SLC12A9: variants seen among roughly 807,000 people sequenced by gnomAD.
SLC12A9 encodes the protein CCC-interacting protein 1.
SLC12A9 carries 55 observed loss-of-function variants against 66.0 expected under a neutral mutation model. The observed-to-expected ratio is 0.83, with a 90% CI of 0.67 to 1.04. The LOEUF (loss-of-function observed/expected upper bound fraction) is 1.04, where lower values mean the gene tolerates loss of function less well. SLC12A9 is among the 50% of genes least tolerant of loss of function. The probability of loss-of-function intolerance (pLI) is 0.00; values close to 1 mark genes in which losing one functional copy is unlikely to be tolerated. For missense variants in SLC12A9, 1,061 were observed against 1,241.9 expected (o/e 0.85, Z 2.19); for synonymous variants, 577 against 569.0 (o/e 1.01, Z -0.20).
At chr7:100,853,647 C>T (rs1406813057) in intron 1 of SLC12A9, among the ~76,000 whole-genome samples, 4 of 150,674 alleles carry the variant, frequency 2.7e-5, no homozygotes, top group East Asian at 2.0e-4. Context: ...TGCAGCCCTA[C>T]GCCTCCAGGA....
At chr7:100,844,926 C>T (rs1208584298) in intron 1 of SLC12A9, among the ~76,000 whole-genome samples, 3 of 152,032 alleles carry the variant, frequency 2.0e-5, no homozygotes, top group African/African-American at 2.4e-5. Context: ...GCCGAGCGTG[C>T]AGCCCAGTCT....
Position 100,859,100 on chromosome 7 carries a change from G to C in SLC12A9, c.916G>C (p.Val306Leu). 6.2e-7 allele frequency: 1 copy of C among 1,614,014 alleles called. No individual in the cohort carries two copies. Among genetic ancestry groups the C allele is most frequent in the Non-Finnish European group, 8.5e-7 (1 of 1,180,014 alleles). Residue 306 changes from valine to leucine, a missense_variant, in exon 7 of 14, where the codon GTC becomes CTC. Transcript: ENST00000354161. ...GATCCCTCTGGGCACGATCGTCGCC[G>C]TCGCCTACACCTTCTTCGTCTATGT... ...RAIPLGTIVAVAYTFFVYVLL... is the reference protein window; with the variant it reads ...RAIPLGTIVALAYTFFVYVLL...
At chr7:100,848,373 A>G (rs1396147370), upstream of SLC12A9, among the ~76,000 whole-genome samples, 2 of 151,806 alleles carry the variant, frequency 1.3e-5, no homozygotes, top group African/African-American at 2.4e-5. Flanking sequence ...GCATGGGTGC[A>G]TGTGCCTATA....
intron 7 of SLC12A9, 50 bp downstream of exon 7, chr7:100,859,211 G>A (rs1238622740): frequency 9.1e-6 from 14 of 1,534,548 alleles, no homozygotes; most frequent in Non-Finnish European, 1.1e-5. Context: ...TGGTGCACCT[G>A]GGTCACCAAG....
chr7:100,848,695 G>C (rs1813978273), upstream of SLC12A9, among the ~76,000 whole-genome samples: 1 of 151,850 alleles, frequency 6.6e-6, no homozygotes, highest in Non-Finnish European at 1.5e-5. Context: ...GACCATTCTG[G>C]CTAACACGGT....
At chr7:100,841,982 C>G (rs1172223943) in intron 1 of SLC12A9, among the ~76,000 whole-genome samples, 2 of 152,030 alleles carry the variant, frequency 1.3e-5, no homozygotes, top group Non-Finnish European at 2.9e-5. Context: ...AGCACATGTA[C>G]CACCCCTAGA....
rs1390340137 is a variant in SLC12A9, at chr7:100,862,781, C to G, written c.1812C>G (p.Pro604=). The G allele has an allele frequency of 2.5e-6, 4 of 1,614,186 alleles. No homozygotes were observed. The highest frequency in any genetic ancestry group is 3.4e-6 in the Non-Finnish European group (4 of 1,180,038). The change falls in exon 13 of 14, where the codon CCC becomes CCG. Residue 604 remains proline (P), a synonymous_variant. Coordinates refer to ENST00000354161, the MANE Select transcript of SLC12A9 (RefSeq NM_020246.4). Reference sequence around the variant, plus strand: ...CTTTTGTGGATCTAACCCTCTCACCCTCCGTGCGCCAGGGGGCTCAGCATC... The same window carrying G: ...CTTTTGTGGATCTAACCCTCTCACCGTCCGTGCGCCAGGGGGCTCAGCATC... ...VKAFVDLTLS[P]SVRQGAQHLL...
intron 1 of SLC12A9, among the ~76,000 whole-genome samples, chr7:100,846,338 G>T (rs314332): frequency 6.6e-6 from 1 of 151,778 alleles, no homozygotes; most frequent in East Asian, 1.9e-4. Context: ...AGGCCGAGGC[G>T]GGTGGATCAC....
intron 1 of SLC12A9, among the ~76,000 whole-genome samples, chr7:100,838,222 C>A (rs1813708673): frequency 6.6e-6 from 1 of 152,120 alleles, no homozygotes; most frequent in South Asian, 2.1e-4. Flanking sequence ...GCTGGTCTCA[C>A]ACTCCTGGGC....
chr7:100,831,721 C>T (rs918022457), intron 1 of SLC12A9, among the ~76,000 whole-genome samples: 4 of 152,164 alleles, frequency 2.6e-5, no homozygotes, highest in African/African-American at 7.2e-5. Context: ...TAAGAAATAA[C>T]AAGCAGCAAA....
chr7:100,842,764 G>A (rs1813813699), intron 1 of SLC12A9, among the ~76,000 whole-genome samples: 1 of 152,230 alleles, frequency 6.6e-6, no homozygotes, highest in South Asian at 2.1e-4. Context: ...TTGTGCACAT[G>A]GCAGGCCAGA....
Position 100,866,559 on chromosome 7 carries a change from C to T in SLC12A9, c.2699C>T (p.Thr900Met), listed in dbSNP as rs1336778155. ...LETLTRDLGP[T>M]LLVHGVTPVT... ...ACTCTAACCCGAGACCTGGGCCCCA[C>T]GCTGCTGGTTCATGGGGTCACTCCA... is the stretch of plus-strand genomic sequence containing the variant. Residue 900 changes from threonine (T) to methionine (M), a missense_variant, in exon 14 of 14, where the codon ACG (threonine) becomes ATG (methionine). By Grantham distance (81) the Thr-to-Met change is moderately conservative. Coordinates refer to ENST00000354161, the MANE Select transcript of SLC12A9 (RefSeq NM_020246.4). The surrounding 1 kb of genome is among the most constrained non-coding windows in gnomAD (Gnocchi z 7.3). 1.4e-5 allele frequency: 22 copies of T among 1,588,134 alleles called. No individual in the cohort carries two copies. Among genetic ancestry groups the T allele is most frequent in the Admixed American group, 7.2e-5 (4 of 55,838 alleles).
intron 2 of SLC12A9, 50 bp downstream of exon 2, chr7:100,854,428 T>C (rs764675162): frequency 1.3e-6 from 2 of 1,597,222 alleles, no homozygotes; most frequent in South Asian, 1.1e-5. Flanking sequence ...TGGGAGGACA[T>C]GATGGGGAGG....
At chr7:100,827,191 G>C (rs1727638297) in intron 1 of SLC12A9, 1 of 599,342 alleles carries the variant, frequency 1.7e-6, no homozygotes. Flanking sequence ...CCGGGCGGCG[G>C]CGCCAAGTGT....
intron 1 of SLC12A9, among the ~76,000 whole-genome samples, chr7:100,842,100 G>C (rs1301485429): frequency 6.7e-6 from 1 of 148,480 alleles, no homozygotes; most frequent in Non-Finnish European, 1.5e-5. Flanking sequence ...TAACCACCAA[G>C]ACTGCTGTTC....
chr7:100,861,735 A>G lies in SLC12A9; in HGVS notation c.1537-2A>G. 1 of 1,614,060 alleles carries G rather than the reference A, an allele frequency of 6.2e-7. No individual in the cohort carries two copies. The highest frequency in any genetic ancestry group is 8.5e-7 in the Non-Finnish European group (1 of 1,179,980). On this transcript the variant is annotated splice_acceptor_variant, in intron 11 of 13. Transcript: ENST00000354161. LOFTEE classifies it high-confidence loss of function. The surrounding 1 kb of genome is among the most constrained non-coding windows in gnomAD (Gnocchi z 5.3). ...TCCCCACTGCCTCACCCCTATACCCAGGTGCGTAAGTATCTGCTTCGGCTG... is the reference window on the plus strand; with the variant it reads ...TCCCCACTGCCTCACCCCTATACCCGGGTGCGTAAGTATCTGCTTCGGCTG...
intron 1 of SLC12A9, among the ~76,000 whole-genome samples, chr7:100,845,571 G>A (rs189441474): frequency 6.6e-6 from 1 of 151,974 alleles, no homozygotes; most frequent in African/African-American, 2.4e-5. Context: ...GGATGGTCTC[G>A]ATCTCCTGCC....
Position 100,857,046 on chromosome 7 carries a change from C to T in SLC12A9, c.627C>T (p.Ile209=). The T allele has an allele frequency of 6.2e-7, 1 of 1,614,216 alleles. No homozygotes were observed. Among genetic ancestry groups the T allele is most frequent in the Non-Finnish European group, 8.5e-7 (1 of 1,180,034 alleles). ...CTGGCTCCCTGGCCTCTGTGCTCAT[C>T]AGTTTTGTGGCTGTGGGGCCGAGGG... ...LVSGSLASVL[I]SFVAVGPRDI... Residue 209 remains isoleucine (I), a synonymous_variant, in exon 5 of 14, where the codon ATC becomes ATT. Transcript: ENST00000354161.
rs1562999052 is a variant in SLC12A9 at position 100,866,034 on chromosome 7, A to G, written c.2174A>G (p.Asp725Gly). 1 of 1,612,696 alleles carries G rather than the reference A, an allele frequency of 6.2e-7. No homozygotes were observed. The highest frequency in any genetic ancestry group is 1.1e-5 in the South Asian group (1 of 91,044). ...SGGTSQLHHV[D>G]VWPLNLLRPR... is the part of the protein sequence containing the mutation. ...GGCACCTCTCAGCTGCACCATGTGG[A>G]CGTGTGGCCCCTCAACCTGCTGCGG... Residue 725 changes from aspartate (D) to glycine (G), a missense_variant, in exon 14 of 14, where the codon GAC becomes GGC. Asp to Gly is a moderately conservative substitution (Grantham distance 94). Transcript: ENST00000354161. This position sits in a 1 kb window ranked among gnomAD's most constrained non-coding sequence, Gnocchi z 7.3.
Sources: gnomAD v4.1 joint callset for allele counts (sites outside exome capture counted in the v4.1 genomes callset) on GRCh38, gnomAD v4.1.1 for gene constraint, Gnocchi (gnomAD v3.1) non-coding constraint, MANE v1.5 for transcripts, NCBI Gene and HGNC (gene_info 2026-07-23, HGNC 2026-07-21) for gene names.